TRIP4: variants seen among roughly 807,000 people sequenced by gnomAD.
TRIP4 encodes the protein thyroid hormone receptor interactor 4.
TRIP4 carries 54 observed loss-of-function variants against 81.8 expected under a neutral mutation model. That is an observed-to-expected ratio of 0.66 (90% CI 0.53 to 0.83). TRIP4 has a LOEUF of 0.83. Among genes scored for constraint, TRIP4 ranks in the 40% least tolerant of loss-of-function variants. TRIP4 has a pLI of 0.00. For synonymous variants in TRIP4, 270 were observed against 242.8 expected (o/e 1.11, Z -1.04); for missense variants, 662 against 683.6 (o/e 0.97, Z 0.35).
chr15:64,425,428 A>G, intron 10 of TRIP4, 112 bp from the exon 11 acceptor site: 2 of 972,146 alleles, frequency 2.1e-6, no homozygotes, highest in South Asian at 1.5e-5. Context: ...TATGTCTACA[A>G]ATAGATAATG....
intron 11 of TRIP4, among the ~76,000 whole-genome samples, chr15:64,426,814 C>G (rs1470406459): frequency 6.6e-6 from 1 of 151,178 alleles, no homozygotes; most frequent in Non-Finnish European, 1.5e-5. Flanking sequence ...TCCTGGCTAA[C>G]ACGGTCAAAC....
At chr15:64,445,622 T>C (rs1892615227) in intron 12 of TRIP4, among the ~76,000 whole-genome samples, 1 of 146,870 alleles carries the variant, frequency 6.8e-6, no homozygotes, top group South Asian at 2.1e-4. Context: ...TGAGCTGAGA[T>C]TGTGCCATTA....
At chr15:64,402,734 T>G (rs1473622083) in intron 5 of TRIP4, among the ~76,000 whole-genome samples, 2 of 151,602 alleles carry the variant, frequency 1.3e-5, no homozygotes, top group Non-Finnish European at 2.9e-5. Flanking sequence ...CCATGTTGAC[T>G]AGGCTGGTCT....
In TRIP4 at chr15:64,455,195, C is replaced by A; in HGVS notation, c.*131C>A. ...AGGCTTGAATATCTCAGAACTTAAA[C>A]TCTTACCAAAATCTGTATATTTTTC... is the stretch of plus-strand genomic sequence containing the variant. On this transcript the variant is annotated 3_prime_UTR_variant, in exon 13 of 13. Transcript: ENST00000261884. The A allele has an allele frequency of 1.5e-6, 1 of 667,330 alleles. No individual in the cohort carries two copies. The highest frequency in any genetic ancestry group is 2.4e-6 in the Non-Finnish European group (1 of 416,860). The allele number at this position is 667,330 out of a possible 1,614,324, so 41.3% of individuals were successfully genotyped here. A position where few individuals can be genotyped will look rare whatever the true frequency, so the allele number is the denominator to read the frequency against.
At chr15:64,424,316 C>T in intron 10 of TRIP4, 161 bp downstream of exon 10, 1 of 958,278 alleles carries the variant, frequency 1.0e-6, no homozygotes. Context: ...TGACAGCGTT[C>T]AAAGCATTAA....
intron 5 of TRIP4, among the ~76,000 whole-genome samples, chr15:64,403,167 A>C (rs1463697589): frequency 9.4e-6 from 1 of 106,380 alleles, no homozygotes; most frequent in Non-Finnish European, 2.0e-5. Flanking sequence ...CCTATTTTTA[A>C]TTTTTTTTAG....
intron 3 of TRIP4, 99 bp downstream of exon 3, chr15:64,395,630 A>C: frequency 7.5e-7 from 1 of 1,328,820 alleles, no homozygotes; most frequent in Non-Finnish European, 1.0e-6. Context: ...CTAGAATGGC[A>C]ATTTTTCAAC....
intron 11 of TRIP4, among the ~76,000 whole-genome samples, chr15:64,436,400 T>C (rs1166254945): frequency 6.6e-6 from 1 of 152,004 alleles, no homozygotes; most frequent in Non-Finnish European, 1.5e-5. Flanking sequence ...AAGACCAGCC[T>C]GGGCAGCATG....
intron 6 of TRIP4, among the ~76,000 whole-genome samples, chr15:64,407,613 G>T (rs1247612930): frequency 6.6e-6 from 1 of 152,098 alleles, no homozygotes. Flanking sequence ...CTTGCAGTGA[G>T]CCAAGATTGT....
chr15:64,405,029 C>G (rs1891591391), intron 5 of TRIP4, among the ~76,000 whole-genome samples: 1 of 151,984 alleles, frequency 6.6e-6, no homozygotes, highest in African/African-American at 2.4e-5. Context: ...ATCTATGGCT[C>G]TCTTTTCTGG....
intron 8 of TRIP4, 107 bp downstream of exon 8, chr15:64,414,318 T>C (rs1891839674): frequency 3.2e-5 from 46 of 1,421,166 alleles, no homozygotes; most frequent in South Asian, 2.7e-4. Context: ...GCTCTCTCAA[T>C]ACACCTGTAC....
At chr15:64,417,956 C>A (rs1000593090) in intron 8 of TRIP4, among the ~76,000 whole-genome samples, 63 of 152,230 alleles carry the variant, frequency 4.1e-4, no homozygotes, top group African/African-American at 1.5e-3. Flanking sequence ...GATATTTGTG[C>A]TGTTGCTGGA....
chr15:64,421,911 G>A (rs554288895), intron 9 of TRIP4, among the ~76,000 whole-genome samples: 110 of 152,128 alleles, frequency 7.2e-4, no homozygotes, highest in African/African-American at 2.5e-3. Context: ...GGAGCATGGT[G>A]GTGCATGCCT....
intron 7 of TRIP4, among the ~76,000 whole-genome samples, 196 bp downstream of exon 7, chr15:64,410,024 G>GATT (rs1026396534): frequency 7.5e-6 from 1 of 133,864 alleles, no homozygotes; most frequent in African/African-American, 2.7e-5. Flanking sequence ...TTGTGGTTTG[G>GATT]TTTTTTTTTT....
At chr15:64,411,051 T>C (rs900140641) in intron 7 of TRIP4, among the ~76,000 whole-genome samples, 3 of 152,120 alleles carry the variant, frequency 2.0e-5, no homozygotes, top group Non-Finnish European at 2.9e-5. Context: ...TGTGTGGGTA[T>C]AGGAAAATGG....
intron 12 of TRIP4, among the ~76,000 whole-genome samples, chr15:64,451,225 G>T (rs1297029786): frequency 6.6e-6 from 1 of 151,256 alleles, no homozygotes; most frequent in Non-Finnish European, 1.5e-5. Context: ...CAATTCTCCT[G>T]CCTCAGCCTC....
At chr15:64,449,054 T>TA (rs1385071714) in intron 12 of TRIP4, among the ~76,000 whole-genome samples, 9 of 151,462 alleles carry the variant, frequency 5.9e-5, no homozygotes, top group South Asian at 2.1e-4. Context: ...TACAAAAAAA[T>TA]AAAAAAAATT....
Position 64,406,329 on chromosome 15 carries a change from G to C in TRIP4, c.698-1G>C. On this transcript the variant is annotated splice_acceptor_variant, in intron 5 of 12. Transcript: ENST00000261884. LOFTEE classifies it high-confidence loss of function. ...CATTTGACTTCCTTATTGAATTTCA[G>C]GAGTGGAGAATTCTGGAAAGGTGGA... 6.2e-7 allele frequency: 1 copy of C among 1,613,002 alleles called. No individual in the cohort carries two copies. The highest frequency in any genetic ancestry group is 8.5e-7 in the Non-Finnish European group (1 of 1,179,694).
At chr15:64,390,931 G>A (rs796514516) in intron 1 of TRIP4, among the ~76,000 whole-genome samples, 4 of 152,150 alleles carry the variant, frequency 2.6e-5, no homozygotes, top group African/African-American at 9.6e-5. Flanking sequence ...CTGGGAAGGA[G>A]GTCAGTGCCC....
Sources: allele counts gnomAD v4.1 joint callset (sites outside exome capture counted in the v4.1 genomes callset), GRCh38; gene constraint gnomAD v4.1.1; transcripts MANE v1.5; gene names NCBI Gene and HGNC (gene_info 2026-07-23, HGNC 2026-07-21).